The following PARD3B variants were observed in gnomAD, a reference collection of about 807,000 sequenced individuals.
PARD3B encodes the protein par-3 family cell polarity regulator beta.
In PARD3B, 103 loss-of-function variants were observed where a neutral mutation model predicts 130.2. The ratio of observed to expected loss-of-function variants is 0.79; its 90% CI spans 0.67 to 0.93. The LOEUF is 0.93. Among genes scored for constraint, PARD3B ranks in the 40% least tolerant of loss-of-function variants. The pLI is 0.00. For synonymous variants in PARD3B, 583 were observed against 553.2 expected, an observed-to-expected ratio of 1.05 and a Z score of -0.76; for missense variants, 1,609 against 1,499.2, an observed-to-expected ratio of 1.07 and a Z score of -1.21.
At chr2:204,935,248 G>C (rs1688331657) in intron 2 of PARD3B, among the ~76,000 whole-genome samples, 1 of 150,534 alleles carries the variant, frequency 6.6e-6, no homozygotes, top group Admixed American at 6.6e-5. Flanking sequence ...GCAAAAAATA[G>C]GCTGTGCGCA....
At chr2:205,456,192 T>A (rs997456352) in intron 20 of PARD3B, among the ~76,000 whole-genome samples, 2 of 152,018 alleles carry the variant, frequency 1.3e-5, no homozygotes, top group Non-Finnish European at 2.9e-5. Flanking sequence ...TTGGATATGG[T>A]TAACCCATGG....
intron 2 of PARD3B, among the ~76,000 whole-genome samples, chr2:204,697,675 G>C (rs1048862154): frequency 4.3e-4 from 66 of 152,216 alleles, no homozygotes; most frequent in African/African-American, 1.5e-3. Context: ...AGTCCGTTGT[G>C]ATACAGTGTT....
chr2:204,684,509 A>G (rs559129875), intron 1 of PARD3B, among the ~76,000 whole-genome samples: 1 of 152,304 alleles, frequency 6.6e-6, no homozygotes, highest in South Asian at 2.1e-4. Context: ...CATGGCCATA[A>G]CAAAAAAGAT....
chr2:205,507,475 A>G (rs899459805), intron 21 of PARD3B, among the ~76,000 whole-genome samples: 3 of 151,884 alleles, frequency 2.0e-5, no homozygotes, highest in African/African-American at 7.3e-5. Context: ...CGGCCTCCCA[A>G]AGTGCTGGGA....
At chr2:204,882,005 T>A (rs937193671) in intron 2 of PARD3B, among the ~76,000 whole-genome samples, 1 of 152,174 alleles carries the variant, frequency 6.6e-6, no homozygotes, top group African/African-American at 2.4e-5. Flanking sequence ...CTAAGACACA[T>A]CCTGGCGTCA....
chr2:205,442,647 A>G (rs935299576), intron 20 of PARD3B, among the ~76,000 whole-genome samples: 10 of 152,104 alleles, frequency 6.6e-5, no homozygotes, highest in African/African-American at 2.2e-4. Context: ...ATATGCTGAC[A>G]TGCATTCTGA....
At chr2:204,854,641 A>G (rs891671957) in intron 2 of PARD3B, among the ~76,000 whole-genome samples, 3 of 152,238 alleles carry the variant, frequency 2.0e-5, no homozygotes, top group Non-Finnish European at 4.4e-5. Context: ...GATACTCAAT[A>G]GCTTTCAGAA....
At position 204,976,859 on chromosome 2, in the gene PARD3B, C is replaced by T. The variant is rs572875473; in HGVS notation, c.394+11536C>T. Among the ~76,000 whole-genome samples, 4 of 152,200 alleles carry T rather than the reference C, an allele frequency of 2.6e-5. No homozygotes were observed. The South Asian group carries it at 8.3e-4, about 32-fold the overall frequency. ...TCCTGACCTCAAGTGATCCACCCAC[C>T]TCTGCCTCCCAAAGTGCTGGGATTA... is the stretch of plus-strand genomic sequence containing the variant. On this transcript the variant is annotated intron_variant, in intron 3 of 22. Transcript: ENST00000406610.
intron 13 of PARD3B, among the ~76,000 whole-genome samples, chr2:205,182,322 TAG>T (rs1473352634): frequency 6.8e-6 from 1 of 147,394 alleles, no homozygotes; most frequent in Admixed American, 6.7e-5. Context: ...GTAACAAGGA[TAG>T]AGAGTCAACA....
chr2:205,581,510 G>A (rs189267597), intron 22 of PARD3B, among the ~76,000 whole-genome samples: 2 of 145,854 alleles, frequency 1.4e-5, no homozygotes, highest in Admixed American at 1.4e-4. Context: ...CAAGGATGCA[G>A]AAACATAGAA....
chr2:204,550,242 C>A (rs1247631165), intron 1 of PARD3B, among the ~76,000 whole-genome samples: 1 of 152,132 alleles, frequency 6.6e-6, no homozygotes, highest in Non-Finnish European at 1.5e-5. Context: ...TTTATAATAC[C>A]TAATACAATG....
At chr2:204,796,056 A>G (rs1275297540) in intron 2 of PARD3B, among the ~76,000 whole-genome samples, 1 of 152,242 alleles carries the variant, frequency 6.6e-6, no homozygotes, top group Non-Finnish European at 1.5e-5. Context: ...AACAGAAGGT[A>G]GGGCATAAAT....
chr2:205,114,921 T>G (rs1477246881), intron 6 of PARD3B, among the ~76,000 whole-genome samples: 1 of 152,106 alleles, frequency 6.6e-6, no homozygotes, highest in Non-Finnish European at 1.5e-5. Flanking sequence ...AAACTGAGGT[T>G]GTTTTTGATA....
At chr2:205,601,010 G>T (rs2054763947) in intron 22 of PARD3B, among the ~76,000 whole-genome samples, 1 of 152,144 alleles carries the variant, frequency 6.6e-6, no homozygotes. Context: ...ATTCCTTTGG[G>T]TATATACCCA....
chr2:205,595,975 T>G (rs1335611450), intron 22 of PARD3B, among the ~76,000 whole-genome samples: 1 of 151,990 alleles, frequency 6.6e-6, no homozygotes, highest in East Asian at 1.9e-4. Flanking sequence ...TGCATAGCCC[T>G]CATCAGTTTG....
chr2:204,863,062 G>A (rs541914356), intron 2 of PARD3B, among the ~76,000 whole-genome samples: 18 of 152,220 alleles, frequency 1.2e-4, no homozygotes, highest in African/African-American at 3.9e-4. Context: ...GGCTCCATCC[G>A]GGACCAGCAG....
intron 19 of PARD3B, among the ~76,000 whole-genome samples, chr2:205,414,224 G>C (rs1299240704): frequency 6.6e-6 from 1 of 152,118 alleles, no homozygotes; most frequent in Admixed American, 6.6e-5. Flanking sequence ...AATTACATTA[G>C]AGCCTTTGTC....
intron 22 of PARD3B, among the ~76,000 whole-genome samples, chr2:205,560,600 T>C (rs1352300711): frequency 6.6e-6 from 1 of 152,218 alleles, no homozygotes; most frequent in African/African-American, 2.4e-5. Flanking sequence ...GGTGGAGTGC[T>C]GCATGAGCAG....
intron 16 of PARD3B, among the ~76,000 whole-genome samples, chr2:205,285,251 T>C (rs2041348695): frequency 6.6e-6 from 1 of 152,200 alleles, no homozygotes; most frequent in Non-Finnish European, 1.5e-5. Context: ...ACAGAGACTG[T>C]ACCATGGGAA....
Sources: gnomAD v4.1 joint callset for allele counts (sites outside exome capture counted in the v4.1 genomes callset) on GRCh38, gnomAD v4.1.1 for gene constraint, MANE v1.5 for transcripts, NCBI Gene and HGNC (gene_info 2026-07-23, HGNC 2026-07-21) for gene names.